Variants in THEM5 observed in about 807,000 individuals in gnomAD.
The protein encoded by THEM5 is acyl-coenzyme A thioesterase THEM5.
THEM5 carries 28 observed loss-of-function variants against 24.2 expected under a neutral mutation model. That is an observed-to-expected ratio of 1.16 (90% CI 0.86 to 1.59). The LOEUF (loss-of-function observed/expected upper bound fraction) is 1.59. THEM5 is among the 40% of genes most tolerant of loss of function. THEM5 has a pLI of 0.00. For missense variants in THEM5, 260 were observed against 296.8 expected (o/e 0.88, Z 0.91); for synonymous variants, 87 against 114.5 (o/e 0.76, Z 1.53).
intron 5 of THEM5, 32 bp downstream of exon 5, chr1:151,847,706 G>T (rs189491555): frequency 6.2e-7 from 1 of 1,611,150 alleles, no homozygotes; most frequent in African/African-American, 1.3e-5. Flanking sequence ...GTGGTGGGAC[G>T]GGGCCTGGGG....
chr1:151,853,329 T>C (rs1245651932), intron 1 of THEM5, 114 bp downstream of exon 1: 36 of 1,382,956 alleles, frequency 2.6e-5, no homozygotes, highest in Non-Finnish European at 3.4e-5. Flanking sequence ...AAATAGCTCC[T>C]CCGAACACTG....
At position 151,847,390 on chromosome 1, in the gene THEM5, T is replaced by A; in HGVS notation, c.725A>T (p.Glu242Val). Residue 242 changes from glutamate (E) to valine (V), a missense_variant, in exon 6 of 6, where the codon GAA becomes GTA. Glu to Val is a moderately radical substitution (Grantham distance 121). Transcript: ENST00000368817. The stretch of plus-strand genomic sequence containing the variant: ...TGACTGTTACTGGGGAGACTCTTCT[T>A]CCAACTGCAGCTGAAGGAAAACACC... ...SSGVFLQLQLEEESPQ is the reference protein window; with the variant it reads ...SSGVFLQLQLVEESPQ 1.2e-6 allele frequency: 2 copies of A among 1,613,854 alleles called. No homozygotes were observed. The highest frequency in any genetic ancestry group is 1.7e-6 in the Non-Finnish European group (2 of 1,179,936).
rs960225245 is a variant in THEM5, at chr1:151,847,477, A to C, written c.701-63T>G. The C allele has an allele frequency of 8.7e-6, 14 of 1,603,854 alleles. No individual in the cohort carries two copies. The African/African-American group carries it at 1.5e-4, about 17-fold the overall frequency. On this transcript the variant is annotated intron_variant, in intron 5 of 5. Coordinates refer to ENST00000368817, the MANE Select transcript of THEM5 (RefSeq NM_182578.4). ...CTGAGATGGCTGGAGCTTGATGGAC[A>C]CTCTGAGCATTTGGCTGCAAATTAC...
chr1:151,848,269 G>T lies in THEM5; in HGVS notation c.488C>A (p.Ala163Glu), dbSNP rs768216646. 4.3e-6 allele frequency: 7 copies of T among 1,613,992 alleles called. No homozygotes were observed. In the South Asian group the frequency reaches 7.7e-5, roughly 18 times the overall value. Residue 163 changes from alanine to glutamate, a missense_variant, in exon 4 of 6, where the codon GCA becomes GAA. Ala to Glu is a moderately radical substitution (Grantham distance 107). Coordinates refer to ENST00000368817, the MANE Select transcript of THEM5 (RefSeq NM_182578.4). ...PPGFAHGGSL[A>E]AMMDETFSKT... ...AGAAAAGGTCTCGTCCATCATGGCTGCCAGGGACCCGCCGTGAGCAAACCT... is the reference window on the plus strand; with the variant it reads ...AGAAAAGGTCTCGTCCATCATGGCTTCCAGGGACCCGCCGTGAGCAAACCT...
At chr1:151,849,315 C>T (rs1036449773) in intron 3 of THEM5, among the ~76,000 whole-genome samples, 2 of 152,050 alleles carry the variant, frequency 1.3e-5, no homozygotes, top group African/African-American at 4.8e-5. Flanking sequence ...AAAATAGGCA[C>T]CCATTTTAGA....
chr1:151,851,212 T>G (rs369302232), intron 2 of THEM5, 21 bp from the exon 3 acceptor site: 1 of 1,614,090 alleles, frequency 6.2e-7, no homozygotes. Flanking sequence ...ATAGGCAGTG[T>G]TGCAGCCGGA....
In THEM5 at chr1:151,852,419, T is replaced by G. The variant is rs16833597; in HGVS notation, c.164A>C (p.Tyr55Ser). ...ACACCAGCTGGCATTGGGAAGAGCA[T>G]AATCCTTCAAGTCTGTCTTCTCTGG... ...FLPEKTDLKD[Y>S]ALPNASWCSD... The change falls in exon 2 of 6, where the codon TAT becomes TCT. Residue 55 changes from tyrosine to serine, a missense_variant. Tyr to Ser is a moderately radical substitution (Grantham distance 144). Coordinates refer to ENST00000368817, the MANE Select transcript of THEM5 (RefSeq NM_182578.4). 1.6e-3 allele frequency: 2,647 copies of G among 1,614,094 alleles called. 39 individuals are homozygous for G. The African/African-American group carries it at 0.032, about 19-fold the overall frequency.
At position 151,847,756 on chromosome 1, in the gene THEM5, C is replaced by G; in HGVS notation, c.682G>C (p.Val228Leu). 1 of 1,613,794 alleles carries G rather than the reference C, an allele frequency of 6.2e-7. No individual in the cohort carries two copies. The highest frequency in any genetic ancestry group is 8.5e-7 in the Non-Finnish European group (1 of 1,179,978). ...CIAHSRDQQT[V>L]YAKSSGVFLQ... is the part of the protein sequence containing the mutation. ...CCTTTACCTGAGGACTTGGCATAAA[C>G]TGTCTGCTGGTCTCTGCTGTGGGCG... The change falls in exon 5 of 6, where the codon GTT becomes CTT. Residue 228 changes from valine to leucine, a missense_variant. Transcript: ENST00000368817.
chr1:151,851,071 T>TAGG lies in THEM5; in HGVS notation c.443_445dup (p.Ser148dup). 6.2e-7 allele frequency: 1 copy of TAGG among 1,614,100 alleles called. No individual in the cohort carries two copies. The highest frequency in any genetic ancestry group is 8.5e-7 in the Non-Finnish European group (1 of 1,180,010). On this transcript the variant is annotated inframe_insertion, in exon 3 of 6. Coordinates refer to ENST00000368817, the MANE Select transcript of THEM5 (RefSeq NM_182578.4). ...ACCTTACCCTGGGGGCCCCTCCAGGTAGGAGCCTGGTTGGAAAAGACAGAC... is the reference window on the plus strand; with the variant it reads ...ACCTTACCCTGGGGGCCCCTCCAGGTAGGAGGAGCCTGGTTGGAAAAGACAGAC...
At chr1:151,851,934 G>T (rs1653139799) in intron 2 of THEM5, among the ~76,000 whole-genome samples, 1 of 152,210 alleles carries the variant, frequency 6.6e-6, no homozygotes, top group Non-Finnish European at 1.5e-5. Context: ...TGGGGCGGAA[G>T]GCTTGGGATG....
chr1:151,848,163 C>T lies in THEM5; in HGVS notation c.575+19G>A. On this transcript the variant is annotated intron_variant, in intron 4 of 5. Coordinates refer to ENST00000368817, the MANE Select transcript of THEM5 (RefSeq NM_182578.4). ...AAAGGTCTGTGACTTTGGCCAATGC[C>T]CCAGGGGCCCATACTTACTTTTTGA... is the stretch of plus-strand genomic sequence containing the variant. 1 of 1,612,044 alleles carries T rather than the reference C, an allele frequency of 6.2e-7. No individual in the cohort carries two copies. Among genetic ancestry groups the T allele is most frequent in the Non-Finnish European group, 8.5e-7 (1 of 1,178,086 alleles).
At chr1:151,848,356 G>A (rs1378731170) in intron 3 of THEM5, 64 bp from the exon 4 acceptor site, 2 of 1,266,384 alleles carry the variant, frequency 1.6e-6, no homozygotes, top group Non-Finnish European at 2.3e-6. Context: ...CCCCCTCAAT[G>A]GGCCTTCCCT....
intron 3 of THEM5, chr1:151,850,433 G>C (rs1419077812): frequency 6.6e-6 from 1 of 152,572 alleles, no homozygotes; most frequent in Non-Finnish European, 1.5e-5. Flanking sequence ...CAGTGGACTT[G>C]GAATCTCACC....
At chr1:151,852,078 G>T (rs2101701546) in intron 2 of THEM5, among the ~76,000 whole-genome samples, 180 bp downstream of exon 2, 1 of 152,296 alleles carries the variant, frequency 6.6e-6, no homozygotes, top group East Asian at 1.9e-4. Flanking sequence ...ATGGGAGGAG[G>T]GGAGCTGGAG....
In THEM5 at chr1:151,851,089, A is replaced by C. The variant is rs751371464; in HGVS notation, c.428T>G (p.Leu143Arg). 81 of 1,614,116 alleles carry C rather than the reference A, an allele frequency of 5.0e-5. No homozygotes were observed. Among genetic ancestry groups the C allele is most frequent in the Non-Finnish European group, 6.9e-5 (81 of 1,180,044 alleles). The stretch of plus-strand genomic sequence containing the variant: ...CTCCAGGTAGGAGCCTGGTTGGAAA[A>C]GACAGACCGACTTCTTCTGGGTTGG... ...FQPTQKKSVC[L>R]FQPGSYLEGP... The change falls in exon 3 of 6, where the codon CTT becomes CGT. Residue 143 changes from leucine (L) to arginine (R), a missense_variant. Transcript: ENST00000368817.
At position 151,847,739 on chromosome 1, in the gene THEM5, T is replaced by C; in HGVS notation, c.699A>G (p.Ser233=). 6.2e-7 allele frequency: 1 copy of C among 1,613,206 alleles called. No individual in the cohort carries two copies. The highest frequency in any genetic ancestry group is 8.5e-7 in the Non-Finnish European group (1 of 1,179,880). The stretch of plus-strand genomic sequence containing the variant: ...GGGCTGGGCTGGGGGCTCCTTTACC[T>C]GAGGACTTGGCATAAACTGTCTGCT... The part of the protein sequence containing the change: ...RDQQTVYAKS[S]GVFLQLQLEE... Residue 233 remains serine, a splice_region_variant and synonymous_variant, in exon 5 of 6, where the codon TCA becomes TCG. Coordinates refer to ENST00000368817, the MANE Select transcript of THEM5 (RefSeq NM_182578.4).
intron 5 of THEM5, 122 bp downstream of exon 5, chr1:151,847,616 C>T (rs1652973298): frequency 1.6e-5 from 23 of 1,452,412 alleles, no homozygotes; most frequent in Non-Finnish European, 2.2e-5. Context: ...TGCCCTATCC[C>T]ACCCCTAAAG....
Position 151,852,373 on chromosome 1 carries a change from G to T in THEM5, c.210C>A (p.Tyr70Ter). 12 of 1,614,128 alleles carry T rather than the reference G, an allele frequency of 7.4e-6. No individual in the cohort carries two copies. Among genetic ancestry groups the T allele is most frequent in the Non-Finnish European group, 1.0e-5 (12 of 1,180,028 alleles). Residue 70 changes from tyrosine to a stop codon, truncating the protein, a stop_gained, in exon 2 of 6, where the codon TAC (tyrosine) becomes TAA (stop). Coordinates refer to ENST00000368817, the MANE Select transcript of THEM5 (RefSeq NM_182578.4). LOFTEE classifies it high-confidence loss of function. ...ASWCSDMLSLYQEFLEKTKSS... is the reference protein window; with the variant it reads ...ASWCSDMLSL ...ACTTAGTCTTCTCCAGAAATTCTTG[G>T]TACAGGCTCAGCATGTCCGAACACC... is the stretch of plus-strand genomic sequence containing the variant.
At position 151,847,403 on chromosome 1, in the gene THEM5, G is replaced by GAAGGA; in HGVS notation, c.707_711dup (p.Gln238SerfsTer86). On this transcript the variant is annotated frameshift_variant, in exon 6 of 6. Transcript: ENST00000368817. LOFTEE classifies it high-confidence loss of function. ...GGAGACTCTTCTTCCAACTGCAGCTGAAGGAAAACACCTGCAAGAGAAGGG... is the reference window on the plus strand; with the variant it reads ...GGAGACTCTTCTTCCAACTGCAGCTGAAGGAAAGGAAAACACCTGCAAGAGAAGGG... 6.2e-7 allele frequency: 1 copy of GAAGGA among 1,614,100 alleles called. No homozygotes were observed. The highest frequency in any genetic ancestry group is 8.5e-7 in the Non-Finnish European group (1 of 1,180,008).
Sources: gnomAD v4.1 joint callset for allele counts (sites outside exome capture counted in the v4.1 genomes callset) on GRCh38, gnomAD v4.1.1 for gene constraint, MANE v1.5 for transcripts, NCBI Gene and HGNC (gene_info 2026-07-23, HGNC 2026-07-21) for gene names.